The following AOX1 variants were observed in gnomAD, a reference collection of about 807,000 sequenced individuals.
AOX1 encodes aldehyde oxidase 1, also known as aldehyde oxidase.
Under a neutral mutation model 169.5 loss-of-function variants are expected in AOX1, and 153 were observed. The observed-to-expected ratio is 0.90, with a 90% CI of 0.79 to 1.03. The LOEUF (loss-of-function observed/expected upper bound fraction) is 1.03. AOX1 is among the 50% of genes least tolerant of loss of function. The pLI is 0.00. For synonymous variants in AOX1, 562 were observed against 581.9 expected, an observed-to-expected ratio of 0.97 and a Z score of 0.49; for missense variants, 1,656 against 1,663.9, an observed-to-expected ratio of 1.00 and a Z score of 0.08.
intron 4 of AOX1, among the ~76,000 whole-genome samples, chr2:200,599,355 C>T (rs1268988664): frequency 6.6e-6 from 1 of 152,096 alleles, no homozygotes. Flanking sequence ...CTGTGTGGGG[C>T]TTGAAATCTT....
intron 28 of AOX1, among the ~76,000 whole-genome samples, chr2:200,659,786 T>TCTCACA (rs373271043): frequency 2.7e-4 from 26 of 96,214 alleles, no homozygotes; most frequent in South Asian, 6.8e-4. Context: ...GTTCTCTCTC[T>TCTCACA]CACACACACA....
At chr2:200,621,001 C>A in intron 17 of AOX1, 119 bp from the exon 18 acceptor site, 1 of 1,382,882 alleles carries the variant, frequency 7.2e-7, no homozygotes, top group Non-Finnish European at 9.8e-7. Flanking sequence ...GAATTTTTTC[C>A]CAATTGTCTG....
Position 200,636,117 on chromosome 2 carries a change from C to CTTTTTTTTTTT in AOX1, c.2347-775_2347-765dup, listed in dbSNP as rs765127387. ...CAATCCAAGCAAGAAGTGAGAAGTG[C>CTTTTTTTTTTT]TTTTTTTTTTTTTTTTTTTTTTTTT... On this transcript the variant is annotated intron_variant, in intron 21 of 34. Coordinates refer to ENST00000374700, the MANE Select transcript of AOX1 (RefSeq NM_001159.4). Among the ~76,000 whole-genome samples the CTTTTTTTTTTT allele has an allele frequency of 3.7e-5, 2 of 53,974 alleles. 1 individual carries two copies. Among genetic ancestry groups the CTTTTTTTTTTT allele is most frequent in the Non-Finnish European group, 6.6e-5 (2 of 30,278 alleles). 35.4% of individuals were successfully genotyped at this position (53,974 alleles called of 152,430 possible).
chr2:200,615,381 C>G (rs1559239164), intron 15 of AOX1, among the ~76,000 whole-genome samples: 3 of 152,102 alleles, frequency 2.0e-5, no homozygotes, highest in Admixed American at 6.5e-5. Context: ...CCTTTCCCCC[C>G]ATCCAGCTCT....
Position 200,656,969 on chromosome 2 carries a change from T to TGTG in AOX1, c.3171+33_3171+35dup, listed in dbSNP as rs544119609. ...ATGCAAATAACTCGATTGAGTTGGG[T>TGTG]GTGTGCTTATAGATCTGTTCATGAG... On this transcript the variant is annotated intron_variant, in intron 27 of 34. Coordinates refer to ENST00000374700, the MANE Select transcript of AOX1 (RefSeq NM_001159.4). 4.2e-4 allele frequency: 608 copies of TGTG among 1,431,772 alleles called. 1 individual carries two copies. Among genetic ancestry groups the TGTG allele is most frequent in the South Asian group, 7.5e-4 (55 of 73,458 alleles). The allele number at this position is 1,431,772 out of a possible 1,614,324, so 88.7% of individuals were successfully genotyped here.
chr2:200,602,693 T>C (rs2034442373), intron 6 of AOX1, among the ~76,000 whole-genome samples: 1 of 152,180 alleles, frequency 6.6e-6, no homozygotes, highest in African/African-American at 2.4e-5. Flanking sequence ...GTCACAGCTT[T>C]GGTCACAATG....
chr2:200,597,355 C>A (rs376190651), intron 3 of AOX1, 42 bp from the exon 4 acceptor site: 5 of 1,457,788 alleles, frequency 3.4e-6, no homozygotes, highest in Non-Finnish European at 4.7e-6. Flanking sequence ...CCACTGTATG[C>A]GACATAATTT....
At chr2:200,601,704 G>A (rs1247469514) in intron 5 of AOX1, among the ~76,000 whole-genome samples, 1 of 152,046 alleles carries the variant, frequency 6.6e-6, no homozygotes, top group Non-Finnish European at 1.5e-5. Flanking sequence ...GGCCTAGGTG[G>A]GTGGATCACC....
downstream of AOX1, among the ~76,000 whole-genome samples, chr2:200,680,561 T>TTTTG (rs2036143288): frequency 6.6e-6 from 1 of 151,958 alleles, no homozygotes; most frequent in Non-Finnish European, 1.5e-5. Context: ...TTGTTTTTGT[T>TTTTG]TTGAGGCAGA....
At chr2:200,638,573 G>GTT (rs2035288407) in intron 23 of AOX1, among the ~76,000 whole-genome samples, 1 of 152,180 alleles carries the variant, frequency 6.6e-6, no homozygotes, top group South Asian at 2.1e-4. Context: ...ACTAGAAAAC[G>GTT]TGAGTGTGTA....
At chr2:200,632,632 T>TA (rs1332974370) in intron 20 of AOX1, among the ~76,000 whole-genome samples, 3 of 112,322 alleles carry the variant, frequency 2.7e-5, no homozygotes, top group African/African-American at 5.9e-5. Flanking sequence ...ATTTCTTCAT[T>TA]TAAAAAAAAA....
rs2035970730 is a variant in AOX1, at chr2:200,668,670, A to G, written c.3665A>G (p.Tyr1222Cys). ...CTTTATACAATAGAGGAACTGAATT[A>G]TTCTCCCCAGGGCATTCTGCACACT... ...MGLYTIEELN[Y>C]SPQGILHTRG... Residue 1222 changes from tyrosine to cysteine, a missense_variant, in exon 33 of 35, where the codon TAT becomes TGT. Physicochemically the swap from Tyr to Cys is radical, Grantham distance 194 (BLOSUM62 -2). Coordinates refer to ENST00000374700, the MANE Select transcript of AOX1 (RefSeq NM_001159.4). The G allele has an allele frequency of 6.2e-7, 1 of 1,614,140 alleles. No homozygotes were observed. Among genetic ancestry groups the G allele is most frequent in the Admixed American group, 1.7e-5 (1 of 60,012 alleles).
chr2:200,657,190 A>ATATATATTTTTTTTTTT, intron 27 of AOX1, among the ~76,000 whole-genome samples: 11 of 62,878 alleles, frequency 1.7e-4, no homozygotes, highest in African/African-American at 3.2e-4. Flanking sequence ...ATATATATAT[A>ATATATATTTTTTTTTTT]TTTTTTTTTT....
At chr2:200,674,266 G>A (rs1478142718), downstream of AOX1, among the ~76,000 whole-genome samples, 1 of 152,124 alleles carries the variant, frequency 6.6e-6, no homozygotes, top group Non-Finnish European at 1.5e-5. Context: ...ATGCAGTGTT[G>A]GCAGTATAGA....
chr2:200,681,879 T>C (rs1012135057), downstream of AOX1, among the ~76,000 whole-genome samples: 5 of 152,182 alleles, frequency 3.3e-5, no homozygotes, highest in African/African-American at 1.2e-4. Context: ...CTAAAATCTT[T>C]TAATTATGTA....
At chr2:200,651,412 C>T (rs1249559575) in intron 26 of AOX1, among the ~76,000 whole-genome samples, 1 of 152,186 alleles carries the variant, frequency 6.6e-6, no homozygotes, top group Admixed American at 6.5e-5. Flanking sequence ...CATGGTTGGT[C>T]AAAAACATTC....
chr2:200,680,534 G>GGTTTTT (rs71022331), downstream of AOX1, among the ~76,000 whole-genome samples: 15,759 of 149,252 alleles, frequency 0.11, 1,035 homozygotes, highest in African/African-American at 0.18. Context: ...TCAGGGCCAA[G>GGTTTTT]GTTTTTGTTT....
chr2:200,604,926 T>C (rs2034485325), intron 9 of AOX1, 86 bp downstream of exon 9: 1 of 1,226,712 alleles, frequency 8.2e-7, no homozygotes, highest in Admixed American at 2.0e-5. Context: ...AAACTTCATA[T>C]ACATGTGTTC....
chr2:200,650,999 A>G lies in AOX1; in HGVS notation c.2873A>G (p.Glu958Gly), dbSNP rs1488870052. Reference protein sequence around the residue: ...EKVRIINMYKEIDQTPYKQEI... With the variant: ...EKVRIINMYKGIDQTPYKQEI... ...GTGCGAATCATAAACATGTACAAGG[A>G]AATTGATCAAACACCCTACAAACAA... The change falls in exon 26 of 35, where the codon GAA becomes GGA. Residue 958 changes from glutamate to glycine, a missense_variant. By Grantham distance (98) the Glu-to-Gly change is moderately conservative. Coordinates refer to ENST00000374700, the MANE Select transcript of AOX1 (RefSeq NM_001159.4). 6.2e-7 allele frequency: 1 copy of G among 1,614,114 alleles called. No individual in the cohort carries two copies. The highest frequency in any genetic ancestry group is 8.5e-7 in the Non-Finnish European group (1 of 1,180,044).
Sources: gnomAD v4.1 joint callset for allele counts (sites outside exome capture counted in the v4.1 genomes callset) on GRCh38, gnomAD v4.1.1 for gene constraint, MANE v1.5 for transcripts, NCBI Gene and HGNC (gene_info 2026-07-23, HGNC 2026-07-21) for gene names.